Variants in RGS6 observed in about 807,000 individuals in gnomAD.
The protein encoded by RGS6 is regulator of G protein signaling 6, also known as regulator of G-protein signaling 6.
In RGS6, 30 loss-of-function variants were observed where a neutral mutation model predicts 78.5. The ratio of observed to expected loss-of-function variants is 0.38; its 90% CI spans 0.29 to 0.52. The LOEUF (loss-of-function observed/expected upper bound fraction) is 0.52, where lower values mean the gene tolerates loss of function less well. Among genes scored for constraint, RGS6 ranks in the 20% least tolerant of loss-of-function variants. The pLI is 0.85. For synonymous variants in RGS6, 206 were observed against 206.0 expected (o/e 1.00, Z 0.00); for missense variants, 495 against 609.7 (o/e 0.81, Z 1.98).
rs112205188 is a variant in RGS6 at position 72,341,438 on chromosome 14, A to G, written c.85-10657A>G. Among the ~76,000 whole-genome samples, 380 of 152,342 alleles carry G rather than the reference A, an allele frequency of 2.5e-3. 2 individuals carry two copies. Among genetic ancestry groups the G allele is most frequent in the African/African-American group, 8.9e-3 (370 of 41,590 alleles). The stretch of plus-strand genomic sequence containing the variant: ...TTGGGTGGGGACACAGGGCCAAACC[A>G]TAGTAACATGTATAATACATATGTA... On this transcript the variant is annotated intron_variant, in intron 2 of 17. Coordinates refer to ENST00000553525, the MANE Select transcript of RGS6 (RefSeq NM_001204424.2).
Position 72,342,386 on chromosome 14 carries a change from C to T in RGS6, c.85-9709C>T, listed in dbSNP as rs796963399. 1.9e-4 allele frequency among the ~76,000 whole-genome samples: 29 copies of T among 151,842 alleles called. 1 individual carries two copies. Among genetic ancestry groups the T allele is most frequent in the African/African-American group, 6.3e-4 (26 of 41,428 alleles). On this transcript the variant is annotated intron_variant, in intron 2 of 17. Coordinates refer to ENST00000553525, the MANE Select transcript of RGS6 (RefSeq NM_001204424.2). ...TTTGAGACCAGCCTGGCCATCATGG[C>T]GAAACTCCATATCTCCCAAAAATAC...
chr14:72,490,737 A>G (rs934063170), intron 12 of RGS6, among the ~76,000 whole-genome samples: 1 of 152,228 alleles, frequency 6.6e-6, no homozygotes, highest in Non-Finnish European at 1.5e-5. Flanking sequence ...AACACCTGGG[A>G]CAGCGAGGAG....
intron 2 of RGS6, among the ~76,000 whole-genome samples, chr14:72,268,453 G>T (rs1310885478): frequency 3.3e-5 from 5 of 152,266 alleles, no homozygotes; most frequent in Middle Eastern, 3.4e-3. Context: ...CCCTTGGGAG[G>T]TGTCTCAGCC....
At chr14:72,154,126 C>T (rs968949997) in intron 2 of RGS6, among the ~76,000 whole-genome samples, 5 of 152,152 alleles carry the variant, frequency 3.3e-5, no homozygotes, top group African/African-American at 1.2e-4. Flanking sequence ...TGATATCTCT[C>T]CTACTTGCAC....
At chr14:72,104,100 A>G (rs868032282) in intron 2 of RGS6, among the ~76,000 whole-genome samples, 2 of 152,130 alleles carry the variant, frequency 1.3e-5, no homozygotes, top group African/African-American at 4.8e-5. Context: ...ATGATGTTGG[A>G]GGAACAACGG....
intron 2 of RGS6, among the ~76,000 whole-genome samples, chr14:72,274,904 G>T: frequency 6.6e-6 from 1 of 152,224 alleles, no homozygotes; most frequent in East Asian, 1.9e-4. Flanking sequence ...TGTTATAACA[G>T]CAGACAGAAA....
At chr14:72,485,288 C>T (rs1797753675) in intron 12 of RGS6, among the ~76,000 whole-genome samples, 1 of 152,170 alleles carries the variant, frequency 6.6e-6, no homozygotes, top group Non-Finnish European at 1.5e-5. Context: ...GTTGGAGGAC[C>T]ATTGCTGCTG....
At chr14:72,597,985 G>A in the RGS6 span, among the ~76,000 whole-genome samples, 2 of 152,166 alleles carry the variant, frequency 1.3e-5, no homozygotes, top group Non-Finnish European at 2.9e-5. Context: ...CTCCTAAAAT[G>A]GCCCACTTTC....
chr14:72,173,398 C>T (rs755722411), intron 2 of RGS6, among the ~76,000 whole-genome samples: 2 of 152,160 alleles, frequency 1.3e-5, no homozygotes, highest in Non-Finnish European at 2.9e-5. Context: ...CCTTTCTGCA[C>T]GACCCCTTTT....
chr14:72,562,469 C>G lies in RGS6; in HGVS notation c.*2C>G, dbSNP rs1347206888. 6.2e-7 allele frequency: 1 copy of G among 1,612,278 alleles called. No individual in the cohort carries two copies. Among genetic ancestry groups the G allele is most frequent in the Non-Finnish European group, 8.5e-7 (1 of 1,180,028 alleles). ...ACGGGCCTGATGCAGTCCTCCTGAC[C>G]GTTCCTACCGCAGGTCCAGGGCCTG... On this transcript the variant is annotated 3_prime_UTR_variant, in exon 18 of 18. Coordinates refer to ENST00000553525, the MANE Select transcript of RGS6 (RefSeq NM_001204424.2).
intron 2 of RGS6, among the ~76,000 whole-genome samples, chr14:72,034,421 C>T (rs1596372991): frequency 6.6e-6 from 1 of 150,552 alleles, no homozygotes. Flanking sequence ...TTTTTTGGCA[C>T]CAATTCAGTC....
intron 3 of RGS6, among the ~76,000 whole-genome samples, chr14:72,383,174 G>GTATATATATATATA (rs1263107660): frequency 4.1e-5 from 1 of 24,530 alleles, no homozygotes; most frequent in African/African-American, 1.1e-4. Flanking sequence ...TGAAAAAATT[G>GTATATATATATATA]TACATATATA....
At chr14:71,884,721 C>T in the RGS6 span, among the ~76,000 whole-genome samples, 11 of 152,244 alleles carry the variant, frequency 7.2e-5, no homozygotes, top group East Asian at 2.1e-3. Flanking sequence ...CTTCACCAAT[C>T]CTGTTTTCCA....
At chr14:72,043,002 T>A (rs2092552329) in intron 2 of RGS6, among the ~76,000 whole-genome samples, 1 of 152,202 alleles carries the variant, frequency 6.6e-6, no homozygotes, top group African/African-American at 2.4e-5. Context: ...TTTAGCTAAC[T>A]TGATAGGTAA....
chr14:72,375,294 A>T (rs1233580504), intron 3 of RGS6, among the ~76,000 whole-genome samples: 1 of 152,238 alleles, frequency 6.6e-6, no homozygotes, highest in African/African-American at 2.4e-5. Flanking sequence ...AAAAATTCCA[A>T]GCAGGATAAA....
At chr14:72,216,367 C>T (rs1272073980) in intron 2 of RGS6, among the ~76,000 whole-genome samples, 1 of 152,182 alleles carries the variant, frequency 6.6e-6, no homozygotes, top group African/African-American at 2.4e-5. Context: ...CAGGTGTATT[C>T]ATGCAGGCTT....
chr14:72,078,748 C>A (rs1004776653), intron 2 of RGS6, among the ~76,000 whole-genome samples: 4 of 152,084 alleles, frequency 2.6e-5, no homozygotes, highest in African/African-American at 9.7e-5. Context: ...GTGAGAATAG[C>A]CTAATACACC....
chr14:72,456,377 A>C (rs944972041), intron 4 of RGS6, among the ~76,000 whole-genome samples: 3 of 151,874 alleles, frequency 2.0e-5, no homozygotes, highest in African/African-American at 7.3e-5. Flanking sequence ...TGCAGCCTTG[A>C]CCTCCCTGGC....
intron 15 of RGS6, among the ~76,000 whole-genome samples, chr14:72,529,311 G>A (rs541636168): frequency 1.2e-4 from 19 of 152,204 alleles, no homozygotes; most frequent in Non-Finnish European, 2.2e-4. Flanking sequence ...TGCTATTACT[G>A]CTGTGGTCGG....
Sources: allele counts gnomAD v4.1 joint callset (sites outside exome capture counted in the v4.1 genomes callset), GRCh38; gene constraint gnomAD v4.1.1; transcripts MANE v1.5; gene names NCBI Gene and HGNC (gene_info 2026-07-23, HGNC 2026-07-21).